Variants in CNTNAP2 observed in about 807,000 individuals in gnomAD.
The protein encoded by CNTNAP2 is contactin-associated protein-like 2.
Under a neutral mutation model 155.2 loss-of-function variants are expected in CNTNAP2, and 98 were observed. That is an observed-to-expected ratio of 0.63 (90% CI 0.54 to 0.75). CNTNAP2 has a LOEUF of 0.75. CNTNAP2 is among the 30% of genes least tolerant of loss of function. The pLI is 0.00. For synonymous variants in CNTNAP2, 651 were observed against 631.2 expected, an observed-to-expected ratio of 1.03 and a Z score of -0.47; for missense variants, 1,727 against 1,688.1, an observed-to-expected ratio of 1.02 and a Z score of -0.40.
At chr7:146,394,082 G>A (rs1183135064) in intron 1 of CNTNAP2, among the ~76,000 whole-genome samples, 4 of 152,106 alleles carry the variant, frequency 2.6e-5, no homozygotes, top group Non-Finnish European at 5.9e-5. Flanking sequence ...GAAGCATTCT[G>A]GCTGACCCAT....
intron 21 of CNTNAP2, among the ~76,000 whole-genome samples, chr7:148,312,426 G>A (rs1028318527): frequency 1.3e-5 from 2 of 152,210 alleles, no homozygotes; most frequent in Non-Finnish European, 2.9e-5. Context: ...CCTTGCGGCA[G>A]TACAGCCCAG....
chr7:148,416,421 A>G lies in CNTNAP2; in HGVS notation c.*805A>G, dbSNP rs1032701858. The G allele has an allele frequency of 2.0e-5, 3 of 151,944 alleles. No homozygotes were observed. The highest frequency in any genetic ancestry group is 4.4e-5 in the Non-Finnish European group (3 of 67,840). 9.4% of individuals were successfully genotyped at this position (151,944 alleles called of 1,614,324 possible). On this transcript the variant is annotated 3_prime_UTR_variant, in exon 24 of 24. Coordinates refer to ENST00000361727, the MANE Select transcript of CNTNAP2 (RefSeq NM_014141.6). ...TGCAATACCATGGTGACCAGCTGTT[A>G]CAAAAGATTTTTTCCTGTTTTATCT...
At position 147,903,677 on chromosome 7, in the gene CNTNAP2, A is replaced by G; in HGVS notation, c.2211A>G (p.Thr737=). ...CCTGCGGCATCGAACGCAACTGCAC[A>G]GATCCCAAGTACTACTGTAACTGCG... The part of the protein sequence containing the change: ...KCACGIERNC[T]DPKYYCNCDA... The change falls in exon 14 of 24, where the codon ACA becomes ACG. Residue 737 remains threonine (T), a synonymous_variant. Coordinates refer to ENST00000361727, the MANE Select transcript of CNTNAP2 (RefSeq NM_014141.6). The G allele has an allele frequency of 6.2e-7, 1 of 1,614,062 alleles. No individual in the cohort carries two copies. The highest frequency in any genetic ancestry group is 8.5e-7 in the Non-Finnish European group (1 of 1,179,984).
intron 14 of CNTNAP2, among the ~76,000 whole-genome samples, chr7:147,918,053 C>G (rs1800192446): frequency 6.6e-6 from 1 of 152,228 alleles, no homozygotes; most frequent in Non-Finnish European, 1.5e-5. Flanking sequence ...CCCCTCATGT[C>G]TAGCAAAAGT....
intron 10 of CNTNAP2, among the ~76,000 whole-genome samples, chr7:147,410,747 A>C (rs575258829): frequency 2.8e-4 from 43 of 152,184 alleles, no homozygotes; most frequent in African/African-American, 1.0e-3. Flanking sequence ...TCATACACAC[A>C]CAGGAATATA....
At chr7:147,416,035 A>T (rs1797188421) in intron 10 of CNTNAP2, among the ~76,000 whole-genome samples, 1 of 152,114 alleles carries the variant, frequency 6.6e-6, no homozygotes. Context: ...TCCCAAACCA[A>T]CTGAATTTCT....
intron 3 of CNTNAP2, among the ~76,000 whole-genome samples, chr7:147,010,224 G>A (rs935159646): frequency 6.6e-6 from 1 of 151,816 alleles, no homozygotes. Flanking sequence ...TGGCCAGGCT[G>A]GTCTTGAACT....
At chr7:147,264,343 C>T (rs1804559352) in intron 8 of CNTNAP2, among the ~76,000 whole-genome samples, 1 of 152,036 alleles carries the variant, frequency 6.6e-6, no homozygotes, top group African/African-American at 2.4e-5. Context: ...TATTTTTAAA[C>T]ATCTTTCAAA....
chr7:147,521,523 G>A (rs908438901), intron 11 of CNTNAP2, among the ~76,000 whole-genome samples: 1 of 152,170 alleles, frequency 6.6e-6, no homozygotes, highest in Non-Finnish European at 1.5e-5. Flanking sequence ...CCTGGCAAAG[G>A]AAGAGCCTGC....
intron 13 of CNTNAP2, among the ~76,000 whole-genome samples, chr7:147,661,839 C>T (rs939676345): frequency 6.6e-5 from 10 of 152,176 alleles, no homozygotes; most frequent in Admixed American, 2.0e-4. Flanking sequence ...GCGTGAGCCA[C>T]GGCGCCTGGC....
At chr7:147,931,173 G>A (rs1268098787) in intron 14 of CNTNAP2, among the ~76,000 whole-genome samples, 2 of 139,336 alleles carry the variant, frequency 1.4e-5, no homozygotes, top group East Asian at 4.2e-4. Flanking sequence ...GCAGAAGGAA[G>A]AAATAATGTA....
chr7:147,430,824 G>A (rs1410203485), intron 10 of CNTNAP2, among the ~76,000 whole-genome samples: 1 of 152,050 alleles, frequency 6.6e-6, no homozygotes, highest in African/African-American at 2.4e-5. Context: ...CAGCACTTTG[G>A]GAGGCCAAAG....
chr7:147,161,692 T>C (rs779240988), intron 8 of CNTNAP2: 1 of 152,180 alleles, frequency 6.6e-6, no homozygotes, highest in Non-Finnish European at 1.5e-5. Flanking sequence ...GAACCTCTGT[T>C]CACAGTTTGA....
Position 147,624,547 on chromosome 7 carries a change from A to G in CNTNAP2, c.1898-14559A>G, listed in dbSNP as rs539589124. The stretch of plus-strand genomic sequence containing the variant: ...TGATCATCAGAAAATGCAAATCAAA[A>G]CAACAATGAAATATCATCTCACCAC... On this transcript the variant is annotated intron_variant, in intron 12 of 23. Transcript: ENST00000361727. Among the ~76,000 whole-genome samples the G allele has an allele frequency of 6.6e-5, 10 of 152,330 alleles. No homozygotes were observed. In the East Asian group the frequency reaches 1.9e-3, roughly 29 times the overall value.
At chr7:147,030,201 A>G (rs1350924087) in intron 3 of CNTNAP2, among the ~76,000 whole-genome samples, 1 of 152,218 alleles carries the variant, frequency 6.6e-6, no homozygotes, top group Non-Finnish European at 1.5e-5. Context: ...CCATGGGGCT[A>G]CATTGAGGAA....
At chr7:146,927,624 C>T (rs1056355229) in intron 3 of CNTNAP2, among the ~76,000 whole-genome samples, 1 of 151,900 alleles carries the variant, frequency 6.6e-6, no homozygotes, top group Non-Finnish European at 1.5e-5. Flanking sequence ...CATGCACTGC[C>T]TTTTTTTCGT....
chr7:146,413,213 G>T (rs1795891210), intron 1 of CNTNAP2, among the ~76,000 whole-genome samples: 1 of 152,168 alleles, frequency 6.6e-6, no homozygotes, highest in Non-Finnish European at 1.5e-5. Flanking sequence ...ATGCAGGAAA[G>T]AAAATGATCA....
In CNTNAP2 at chr7:146,145,723, C is replaced by T. The variant is rs190561869; in HGVS notation, c.97+28750C>T. 1.2e-3 allele frequency among the ~76,000 whole-genome samples: 180 copies of T among 152,274 alleles called. 1 individual carries two copies. Among genetic ancestry groups the T allele is most frequent in the Non-Finnish European group, 2.9e-4 (20 of 68,016 alleles). On this transcript the variant is annotated intron_variant, in intron 1 of 23. Coordinates refer to ENST00000361727, the MANE Select transcript of CNTNAP2 (RefSeq NM_014141.6). ...TAGGAAAAAAATCCCAGAGGAGAAA[C>T]TCCCACACTGATTTCTACTTCTAAA...
At chr7:147,523,590 C>T (rs922314664) in intron 11 of CNTNAP2, among the ~76,000 whole-genome samples, 1 of 152,144 alleles carries the variant, frequency 6.6e-6, no homozygotes, top group Admixed American at 6.5e-5. Flanking sequence ...ATTTCCTCTT[C>T]CAGGAAGCTC....
Sources: allele counts gnomAD v4.1 joint callset (sites outside exome capture counted in the v4.1 genomes callset), GRCh38; gene constraint gnomAD v4.1.1; transcripts MANE v1.5; gene names NCBI Gene and HGNC (gene_info 2026-07-23, HGNC 2026-07-21).